C1orf198: variants seen among roughly 807,000 people sequenced by gnomAD.
C1orf198 encodes chromosome 1 open reading frame 198.
In C1orf198, 17 loss-of-function variants were observed where a neutral mutation model predicts 31.4. The ratio of observed to expected loss-of-function variants is 0.54; its 90% CI spans 0.37 to 0.81. C1orf198 has a LOEUF of 0.81. Ranked by LOEUF, C1orf198 falls within the 40% of genes least tolerant of loss-of-function variation. The pLI is 0.00. For missense variants in C1orf198, 401 were observed against 450.3 expected, an observed-to-expected ratio of 0.89 and a Z score of 0.99; for synonymous variants, 175 against 193.8, an observed-to-expected ratio of 0.90 and a Z score of 0.81.
rs73105756 is a variant in C1orf198, at chr1:230,858,319, A to T, written c.334-2601T>A. 3.4e-3 allele frequency among the ~76,000 whole-genome samples: 523 copies of T among 152,308 alleles called. 4 individuals are homozygous for T. Among genetic ancestry groups the T allele is most frequent in the African/African-American group, 0.012 (506 of 41,566 alleles). On this transcript the variant is annotated intron_variant, in intron 1 of 3. Coordinates refer to ENST00000366663, the MANE Select transcript of C1orf198 (RefSeq NM_032800.3). ...AAGAAGGGCTTTGTTTTCACATGGGAAAAATAAAAGAGGCTGATGGAATGT... is the reference window on the plus strand; with the variant it reads ...AAGAAGGGCTTTGTTTTCACATGGGTAAAATAAAAGAGGCTGATGGAATGT...
intron 1 of C1orf198, among the ~76,000 whole-genome samples, chr1:230,858,829 A>G (rs1354566813): frequency 2.0e-5 from 3 of 152,250 alleles, no homozygotes; most frequent in Admixed American, 2.0e-4. Context: ...AGGTGGCTCA[A>G]TACAACACTC....
intron 1 of C1orf198, 152 bp downstream of exon 1, chr1:230,868,028 T>C: frequency 1.3e-6 from 1 of 791,346 alleles, no homozygotes. Context: ...GAACTTCGGC[T>C]CTGGGGCTCC....
chr1:230,865,209 C>T (rs1670091673), intron 1 of C1orf198, among the ~76,000 whole-genome samples: 1 of 152,200 alleles, frequency 6.6e-6, no homozygotes, highest in African/African-American at 2.4e-5. Context: ...AGGGGTGGCA[C>T]CTTGCTGCTG....
chr1:230,844,060 G>A (rs1460604500), intron 2 of C1orf198, among the ~76,000 whole-genome samples, 164 bp from the exon 3 acceptor site: 2 of 152,176 alleles, frequency 1.3e-5, no homozygotes, highest in African/African-American at 4.8e-5. Context: ...TGGTGGGTAT[G>A]GTCAGGACTC....
chr1:230,857,074 C>T lies in C1orf198; in HGVS notation c.334-1356G>A, dbSNP rs1336749745. On this transcript the variant is annotated intron_variant, in intron 1 of 3. Coordinates refer to ENST00000366663, the MANE Select transcript of C1orf198 (RefSeq NM_032800.3). This position sits in a 1 kb window ranked among gnomAD's most constrained non-coding sequence, Gnocchi z 4.2. ...TGTACACATTCAGCCTTCCAGACCC[C>T]GAGTGTGCGTTCTCTGTGCAGACGC... 6.6e-6 allele frequency among the ~76,000 whole-genome samples: 1 copy of T among 152,220 alleles called. No individual in the cohort carries two copies. The highest frequency in any genetic ancestry group is 1.5e-5 in the Non-Finnish European group (1 of 68,046).
intron 1 of C1orf198, among the ~76,000 whole-genome samples, chr1:230,861,554 G>A (rs774593504): frequency 2.6e-5 from 4 of 152,232 alleles, no homozygotes; most frequent in South Asian, 2.1e-4. Flanking sequence ...CGCCAACAGC[G>A]TGCAACGGGC....
chr1:230,860,704 G>A (rs1417299666), intron 1 of C1orf198, among the ~76,000 whole-genome samples: 1 of 152,162 alleles, frequency 6.6e-6, no homozygotes, highest in African/African-American at 2.4e-5. Context: ...CAGAGACTGA[G>A]GCCAGGAAAT....
At chr1:230,848,881 A>G (rs1343807731) in intron 2 of C1orf198, among the ~76,000 whole-genome samples, 1 of 152,178 alleles carries the variant, frequency 6.6e-6, no homozygotes, top group African/African-American at 2.4e-5. Context: ...AGACTCTAGC[A>G]GGGCCAGGTG....
At chr1:230,865,901 G>A (rs906738940) in intron 1 of C1orf198, among the ~76,000 whole-genome samples, 2 of 152,234 alleles carry the variant, frequency 1.3e-5, no homozygotes, top group Non-Finnish European at 2.9e-5. Context: ...GGCAATGGGG[G>A]AGAGGATACC....
At chr1:230,861,125 C>T (rs939404368) in intron 1 of C1orf198, among the ~76,000 whole-genome samples, 4 of 152,158 alleles carry the variant, frequency 2.6e-5, no homozygotes, top group Non-Finnish European at 5.9e-5. Flanking sequence ...AATGGATCCC[C>T]TCTGTATGAT....
chr1:230,851,932 G>C (rs975911845), intron 2 of C1orf198, among the ~76,000 whole-genome samples: 1 of 152,220 alleles, frequency 6.6e-6, no homozygotes, highest in Non-Finnish European at 1.5e-5. Flanking sequence ...CCCATACAGA[G>C]GTGCAGCAGT....
At chr1:230,856,334 A>G (rs1476974234) in intron 1 of C1orf198, among the ~76,000 whole-genome samples, 1 of 152,146 alleles carries the variant, frequency 6.6e-6, no homozygotes, top group African/African-American at 2.4e-5. Flanking sequence ...TTATAACAAG[A>G]ACTCTGAAAT....
At chr1:230,846,526 C>G (rs1291826217) in intron 2 of C1orf198, among the ~76,000 whole-genome samples, 1 of 152,240 alleles carries the variant, frequency 6.6e-6, no homozygotes, top group Non-Finnish European at 1.5e-5. Flanking sequence ...GGCACATGCT[C>G]TCTGAGTCTG....
intron 3 of C1orf198, among the ~76,000 whole-genome samples, chr1:230,841,662 C>T (rs1417163373): frequency 1.3e-5 from 2 of 152,186 alleles, no homozygotes; most frequent in African/African-American, 2.4e-5. Flanking sequence ...AGTGGAGAAA[C>T]GCGAACCCAC....
At position 230,857,985 on chromosome 1, in the gene C1orf198, G is replaced by A. The variant is rs1026109332; in HGVS notation, c.334-2267C>T. 6.6e-6 allele frequency among the ~76,000 whole-genome samples: 1 copy of A among 152,202 alleles called. No homozygotes were observed. Among genetic ancestry groups the A allele is most frequent in the Non-Finnish European group, 1.5e-5 (1 of 68,032 alleles). ...ACTGATTGGTATGCAGTGCCTCATG[G>A]CTGTCAAGCAAAACCTTTAAAAATG... On this transcript the variant is annotated intron_variant, in intron 1 of 3. Transcript: ENST00000366663. This position sits in a 1 kb window ranked among gnomAD's most constrained non-coding sequence, Gnocchi z 4.2.
At chr1:230,867,122 C>T (rs1670138627) in intron 1 of C1orf198, among the ~76,000 whole-genome samples, 1 of 152,208 alleles carries the variant, frequency 6.6e-6, no homozygotes, top group South Asian at 2.1e-4. Context: ...CCCAGCTTCT[C>T]CTTCCTCTAG....
intron 1 of C1orf198, among the ~76,000 whole-genome samples, chr1:230,863,835 C>T (rs1185708790): frequency 6.6e-6 from 1 of 152,354 alleles, no homozygotes; most frequent in Non-Finnish European, 1.5e-5. Flanking sequence ...ACCCTGCTAT[C>T]CTTTCTAAAA....
chr1:230,854,935 C>T (rs1227920420), intron 2 of C1orf198, among the ~76,000 whole-genome samples: 1 of 152,168 alleles, frequency 6.6e-6, no homozygotes, highest in African/African-American at 2.4e-5. Context: ...CCAGGCTCAC[C>T]ACCGTCTCTG....
rs954351228 is a variant in C1orf198, at chr1:230,838,640, G to A, written c.*1212C>T. The A allele has an allele frequency of 2.0e-5, 3 of 152,678 alleles. No individual in the cohort carries two copies. The highest frequency in any genetic ancestry group is 6.5e-5 in the Admixed American group (1 of 15,286). The allele number at this position is 152,678 out of a possible 1,614,324, so 9.5% of individuals were successfully genotyped here. A position where few individuals can be genotyped will look rare whatever the true frequency, so the allele number is the denominator to read the frequency against. On this transcript the variant is annotated 3_prime_UTR_variant, in exon 4 of 4. Transcript: ENST00000366663. The surrounding 1 kb of genome is among the most constrained non-coding windows in gnomAD (Gnocchi z 4.2). The stretch of plus-strand genomic sequence containing the variant: ...GGCAACATGGAGATGGCGCCATACC[G>A]GGCTTGAGGCTCTGCTCAGACGCCT...
Sources: allele counts gnomAD v4.1 joint callset (sites outside exome capture counted in the v4.1 genomes callset), GRCh38; gene constraint gnomAD v4.1.1; non-coding constraint Gnocchi (gnomAD v3.1); transcripts MANE v1.5; gene names NCBI Gene and HGNC (gene_info 2026-07-23, HGNC 2026-07-21).